TAFA5: variants seen among roughly 807,000 people sequenced by gnomAD.
TAFA5 encodes the protein TAFA chemokine like family member 5.
In TAFA5, 6 loss-of-function variants were observed where a neutral mutation model predicts 15.3. The observed-to-expected ratio is 0.39, with a 90% CI of 0.21 to 0.77. TAFA5 has a LOEUF of 0.77. TAFA5 is among the 30% of genes least tolerant of loss of function. The pLI is 0.41. For synonymous variants in TAFA5, 103 were observed against 80.7 expected, an observed-to-expected ratio of 1.28 and a Z score of -1.48; for missense variants, 161 against 193.1, an observed-to-expected ratio of 0.83 and a Z score of 0.98.
At chr22:48,574,187 A>C (rs1479669234) in intron 1 of TAFA5, among the ~76,000 whole-genome samples, 1 of 152,248 alleles carries the variant, frequency 6.6e-6, no homozygotes, top group Non-Finnish European at 1.5e-5. Flanking sequence ...CTCCCAGGGC[A>C]GATCCACAGC....
rs964510767 is a variant in TAFA5 at position 48,576,249 on chromosome 22, G to A, written c.113-70348G>A. The A allele has an allele frequency of 1.7e-5, 6 of 347,560 alleles. No homozygotes were observed. The South Asian group carries it at 5.7e-4, about 33-fold the overall frequency. The allele number at this position is 347,560 out of a possible 1,614,324, so 21.5% of individuals were successfully genotyped here. On this transcript the variant is annotated intron_variant, in intron 1 of 3. Coordinates refer to ENST00000402357, the MANE Select transcript of TAFA5 (RefSeq NM_001082967.3). ...ACTTTCTGCTAACCTCCCCGCCCCC[G>A]CCCGCCCCCTCCGCGGCGCCCCCCT... is the stretch of plus-strand genomic sequence containing the variant.
At chr22:48,709,976 A>C (rs1929201770) in intron 3 of TAFA5, among the ~76,000 whole-genome samples, 1 of 152,134 alleles carries the variant, frequency 6.6e-6, no homozygotes, top group Non-Finnish European at 1.5e-5. Flanking sequence ...ACATAACATC[A>C]AGTTGTCGAT....
intron 1 of TAFA5, among the ~76,000 whole-genome samples, chr22:48,579,453 G>T (rs1923949456): frequency 6.6e-6 from 1 of 151,948 alleles, no homozygotes; most frequent in Non-Finnish European, 1.5e-5. Context: ...TCTGCATGGG[G>T]TGTAGTTAAA....
intron 1 of TAFA5, among the ~76,000 whole-genome samples, chr22:48,505,278 G>A (rs1920982959): frequency 6.6e-6 from 1 of 152,196 alleles, no homozygotes; most frequent in Non-Finnish European, 1.5e-5. Context: ...CGCTGGCTTA[G>A]CTGTTGGCCT....
At chr22:48,542,109 G>GCA (rs2147119762) in intron 1 of TAFA5, among the ~76,000 whole-genome samples, 1 of 41,428 alleles carries the variant, frequency 2.4e-5, no homozygotes, top group East Asian at 4.6e-4. Flanking sequence ...TGTGTGTGGT[G>GCA]TGTGTGTGTG....
At chr22:48,688,064 C>T (rs774494440) in intron 2 of TAFA5, among the ~76,000 whole-genome samples, 27 of 150,216 alleles carry the variant, frequency 1.8e-4, no homozygotes, top group Non-Finnish European at 3.5e-4. Flanking sequence ...TAGCTTATTA[C>T]AGTTGGGGTT....
At chr22:48,674,947 T>C (rs1927924810) in intron 2 of TAFA5, among the ~76,000 whole-genome samples, 1 of 151,648 alleles carries the variant, frequency 6.6e-6, no homozygotes, top group Non-Finnish European at 1.5e-5. Context: ...TGGCCAGTTT[T>C]TTTTTTTTTT....
intron 1 of TAFA5, among the ~76,000 whole-genome samples, chr22:48,644,017 C>T (rs1926776820): frequency 6.6e-6 from 1 of 152,250 alleles, no homozygotes; most frequent in Non-Finnish European, 1.5e-5. Context: ...ATGCGTGTTG[C>T]CCCACAGCAT....
At chr22:48,690,223 C>T (rs1388181821) in intron 2 of TAFA5, among the ~76,000 whole-genome samples, 1 of 152,208 alleles carries the variant, frequency 6.6e-6, no homozygotes, top group East Asian at 1.9e-4. Flanking sequence ...ACCCTTCTCC[C>T]ACCCCATCTC....
rs543996805 is a variant in TAFA5, at chr22:48,513,052, G to A, written c.112+23348G>A. ...GTGGTGGGGGGAGTGTGCTGTACAC[G>A]TGTGATCACTCTGACACAGCCACTC... On this transcript the variant is annotated intron_variant, in intron 1 of 3. Transcript: ENST00000402357. Among the ~76,000 whole-genome samples the A allele has an allele frequency of 7.9e-5, 12 of 152,238 alleles. No homozygotes were observed. The South Asian group carries it at 2.1e-3, about 26-fold the overall frequency.
At chr22:48,748,986 G>A (rs904708126) in intron 3 of TAFA5, among the ~76,000 whole-genome samples, 2 of 152,194 alleles carry the variant, frequency 1.3e-5, no homozygotes, top group African/African-American at 4.8e-5. Context: ...GCTGCCTGGG[G>A]CCCAGGGAAA....
intron 1 of TAFA5, among the ~76,000 whole-genome samples, chr22:48,518,755 A>G (rs990830003): frequency 6.6e-6 from 1 of 152,210 alleles, no homozygotes; most frequent in Non-Finnish European, 1.5e-5. Flanking sequence ...GTGAGACTCC[A>G]GCCCAGCTTT....
At chr22:48,629,061 C>A (rs937568418) in intron 1 of TAFA5, among the ~76,000 whole-genome samples, 1 of 152,206 alleles carries the variant, frequency 6.6e-6, no homozygotes, top group Admixed American at 6.5e-5. Flanking sequence ...GCCCTGGCCC[C>A]TCCGCAGGCC....
In TAFA5 at chr22:48,645,979, G is replaced by A. The variant is rs188866068; in HGVS notation, c.113-618G>A. 2.1e-3 allele frequency among the ~76,000 whole-genome samples: 321 copies of A among 152,276 alleles called. 1 individual carries two copies. The highest frequency in any genetic ancestry group is 0.019 in the Admixed American group (287 of 15,300). On this transcript the variant is annotated intron_variant, in intron 1 of 3. Transcript: ENST00000402357. ...ACATATGTGTGTGTGGGCGTGCACC[G>A]CGCTGTGGGAGGGCGGAGGAAATCC...
chr22:48,554,141 C>G (rs1289051764), intron 1 of TAFA5, among the ~76,000 whole-genome samples: 1 of 152,160 alleles, frequency 6.6e-6, no homozygotes, highest in Non-Finnish European at 1.5e-5. Flanking sequence ...TTTGAAGGAT[C>G]GGGAGGAAGA....
chr22:48,495,482 C>A (rs1380669035), intron 1 of TAFA5, among the ~76,000 whole-genome samples: 2 of 152,134 alleles, frequency 1.3e-5, no homozygotes, highest in African/African-American at 4.8e-5. Context: ...CTCAGAATGT[C>A]AGGGACCTCC....
intron 1 of TAFA5, among the ~76,000 whole-genome samples, chr22:48,541,641 G>A (rs1301292347): frequency 6.6e-6 from 1 of 152,158 alleles, no homozygotes; most frequent in African/African-American, 2.4e-5. Flanking sequence ...GGAGGCCAGG[G>A]TGGGAGGCCC....
intron 2 of TAFA5, among the ~76,000 whole-genome samples, chr22:48,705,764 G>C (rs1929058356): frequency 6.6e-6 from 1 of 152,270 alleles, no homozygotes; most frequent in Admixed American, 6.5e-5. Flanking sequence ...TGCCCGTCTG[G>C]AGGACGGTAT....
At chr22:48,575,530 C>T (rs1032101116) in intron 1 of TAFA5, among the ~76,000 whole-genome samples, 2 of 146,164 alleles carry the variant, frequency 1.4e-5, no homozygotes, top group African/African-American at 2.4e-5. Flanking sequence ...CGCCTCCAGG[C>T]CGGAGCAGCG....
Sources: allele counts gnomAD v4.1 joint callset (sites outside exome capture counted in the v4.1 genomes callset), GRCh38; gene constraint gnomAD v4.1.1; transcripts MANE v1.5; gene names NCBI Gene and HGNC (gene_info 2026-07-23, HGNC 2026-07-21).